IGFL2: variants seen among roughly 807,000 people sequenced by gnomAD.
IGFL2 encodes insulin growth factor-like family member 2.
IGFL2 carries 7 observed loss-of-function variants against 13.9 expected under a neutral mutation model. The ratio of observed to expected loss-of-function variants is 0.51; its 90% CI spans 0.29 to 0.95. The LOEUF is 0.95. Among genes scored for constraint, IGFL2 ranks in the 40% least tolerant of loss-of-function variants. The pLI is 0.08. For synonymous variants in IGFL2, 55 were observed against 55.8 expected (o/e 0.99, Z 0.07); for missense variants, 138 against 147.8 (o/e 0.93, Z 0.34).
the IGFL2 span, chr19:46,212,736 T>TCTCTCC: frequency 1.3e-5 from 2 of 148,930 alleles, no homozygotes; most frequent in African/African-American, 5.0e-5. Flanking sequence ...TCTCTCTCTC[T>TCTCTCC]CCTCTCACTG....
chr19:46,097,992 A>C, the IGFL2 span, among the ~76,000 whole-genome samples: 1 of 152,206 alleles, frequency 6.6e-6, no homozygotes, highest in African/African-American at 2.4e-5. Flanking sequence ...GTTTTGGGGT[A>C]GAGAGTTCTG....
chr19:46,133,771 C>A, the IGFL2 span, among the ~76,000 whole-genome samples: 7 of 152,140 alleles, frequency 4.6e-5, no homozygotes, highest in Admixed American at 1.3e-4. Flanking sequence ...GAAGAGGAAC[C>A]TCTACTTATT....
chr19:46,137,241 G>C, the IGFL2 span: 2 of 1,443,160 alleles, frequency 1.4e-6, no homozygotes, highest in Non-Finnish European at 1.9e-6. Context: ...ATTGTGAACT[G>C]ATTTGGATCT....
At chr19:46,133,637 GTATATTGATTTC>G in the IGFL2 span, among the ~76,000 whole-genome samples, 4 of 152,360 alleles carry the variant, frequency 2.6e-5, no homozygotes, top group East Asian at 7.7e-4. Flanking sequence ...AGAACGCAGA[GTATATTGATTTC>G]TTTATTATGG....
At chr19:46,091,467 A>G in the IGFL2 span, among the ~76,000 whole-genome samples, 2 of 152,230 alleles carry the variant, frequency 1.3e-5, no homozygotes, top group South Asian at 4.1e-4. Context: ...TTTAATCAGT[A>G]TACAAATTAT....
the IGFL2 span, among the ~76,000 whole-genome samples, chr19:46,098,538 G>C: frequency 6.7e-6 from 1 of 148,212 alleles, no homozygotes; most frequent in South Asian, 2.1e-4. Flanking sequence ...GGAGTGCAGT[G>C]GTATGATCTC....
the IGFL2 span, chr19:46,123,893 A>G: frequency 6.2e-7 from 1 of 1,610,050 alleles, no homozygotes; most frequent in Non-Finnish European, 8.5e-7. Flanking sequence ...TACCTGGTAC[A>G]GCTCCGGGAG....
chr19:46,164,165 T>C (rs897012516), downstream of IGFL2: 1 of 151,576 alleles, frequency 6.6e-6, no homozygotes, highest in Non-Finnish European at 1.5e-5. Context: ...ATGGCAAAGA[T>C]AGTGGCCCGT....
At chr19:46,123,800 C>T in the IGFL2 span, 2 of 1,438,068 alleles carry the variant, frequency 1.4e-6, no homozygotes, top group East Asian at 4.7e-5. Context: ...CGTTAGAACT[C>T]CACAAACAGG....
downstream of IGFL2, among the ~76,000 whole-genome samples, chr19:46,164,845 G>T (rs771742949): frequency 6.6e-6 from 1 of 152,174 alleles, no homozygotes; most frequent in African/African-American, 2.4e-5. Context: ...CTCACTTCGT[G>T]AACAGAGGAT....
At chr19:46,153,367 T>C (rs1973616218) in intron 1 of IGFL2, among the ~76,000 whole-genome samples, 1 of 152,212 alleles carries the variant, frequency 6.6e-6, no homozygotes, top group Non-Finnish European at 1.5e-5. Context: ...ATAAAAGCCA[T>C]TTTAACTGAG....
chr19:46,206,424 A>G, the IGFL2 span, among the ~76,000 whole-genome samples: 1 of 152,200 alleles, frequency 6.6e-6, no homozygotes, highest in Non-Finnish European at 1.5e-5. Flanking sequence ...TGCCACACCC[A>G]GTCTCAGCAT....
chr19:46,187,493 G>A, the IGFL2 span, among the ~76,000 whole-genome samples: 6 of 137,874 alleles, frequency 4.4e-5, no homozygotes, highest in Non-Finnish European at 4.6e-5. Context: ...TAAACCTGAG[G>A]TTGTGCTGCT....
chr19:46,106,745 A>T, the IGFL2 span, among the ~76,000 whole-genome samples: 1 of 152,160 alleles, frequency 6.6e-6, no homozygotes, highest in East Asian at 1.9e-4. Flanking sequence ...ATGTTGTAAC[A>T]GGCTGGTGGT....
chr19:46,208,634 G>A, the IGFL2 span: 74 of 152,244 alleles, frequency 4.9e-4, no homozygotes, highest in African/African-American at 1.7e-3. Flanking sequence ...TAGGTGATTG[G>A]ATCATGGGGG....
chr19:46,136,613 A>G, the IGFL2 span: 3 of 373,468 alleles, frequency 8.0e-6, no homozygotes, highest in South Asian at 6.6e-5. Flanking sequence ...AAGACATCTC[A>G]GTAACAGGAG....
chr19:46,158,852 C>G (rs13346568), intron 1 of IGFL2, among the ~76,000 whole-genome samples: 4 of 152,082 alleles, frequency 2.6e-5, no homozygotes, highest in Non-Finnish European at 4.4e-5. Flanking sequence ...AGGGCTCCCC[C>G]ACAAGTTGTG....
chr19:46,109,812 G>A, the IGFL2 span, among the ~76,000 whole-genome samples: 762 of 152,294 alleles, frequency 5.0e-3, 3 homozygotes, highest in Non-Finnish European at 7.7e-3. Flanking sequence ...TGATCAGTTA[G>A]GGTGGGGCAG....
At chr19:46,197,218 C>A in the IGFL2 span, 2 of 207,746 alleles carry the variant, frequency 9.6e-6, no homozygotes, top group South Asian at 1.6e-4. Context: ...CCCAGCGTCC[C>A]TCATGGTGAA....
Sources: allele counts gnomAD v4.1 joint callset (sites outside exome capture counted in the v4.1 genomes callset), GRCh38; gene constraint gnomAD v4.1.1; transcripts MANE v1.5; gene names NCBI Gene and HGNC (gene_info 2026-07-23, HGNC 2026-07-21).